The following HIP1 variants were observed in gnomAD, a reference collection of about 807,000 sequenced individuals.
HIP1 encodes the protein huntingtin interacting protein 1, also known as huntingtin-interacting protein 1.
A neutral mutation model predicts 147.6 loss-of-function variants in HIP1; 65 were observed. The ratio of observed to expected loss-of-function variants is 0.44; its 90% CI spans 0.36 to 0.54. HIP1 has a LOEUF of 0.54. HIP1 is among the 20% of genes least tolerant of loss of function. The pLI, the probability that HIP1 is intolerant of heterozygous loss-of-function variation, is 0.00. For missense variants in HIP1, 1,061 were observed against 1,299.6 expected (o/e 0.82, Z 2.82); for synonymous variants, 479 against 504.0 (o/e 0.95, Z 0.67).
intron 1 of HIP1, among the ~76,000 whole-genome samples, chr7:75,702,068 T>A (rs1800848873): frequency 6.6e-6 from 1 of 151,362 alleles, no homozygotes; most frequent in Non-Finnish European, 1.5e-5. Context: ...TAGCTGGGAC[T>A]ACAGGTGCCT....
At chr7:75,637,563 T>TTTTTTA (rs1584907476) in intron 1 of HIP1, among the ~76,000 whole-genome samples, 3 of 116,004 alleles carry the variant, frequency 2.6e-5, no homozygotes, top group African/African-American at 3.5e-5. Flanking sequence ...TTTTTTTTTT[T>TTTTTTA]GAGAGGGAGT....
At chr7:75,709,109 C>CTTTTTTTTTTTTTTTTTTTCTTT (rs55720152) in intron 1 of HIP1, among the ~76,000 whole-genome samples, 1 of 131,440 alleles carries the variant, frequency 7.6e-6, no homozygotes, top group African/African-American at 2.9e-5. Flanking sequence ...TTTTTCTTTT[C>CTTTTTTTTTTTTTTTTTTTCTTT]TTTTTTTTTT....
chr7:75,686,843 C>CTTTTTTT (rs55942242), intron 1 of HIP1, among the ~76,000 whole-genome samples: 4 of 80,132 alleles, frequency 5.0e-5, no homozygotes, highest in Admixed American at 1.7e-4. Context: ...TATTTTAGTT[C>CTTTTTTT]TTTTTTTTTT....
Position 75,591,639 on chromosome 7 carries a change from C to G in HIP1, c.384+417G>C, listed in dbSNP as rs587741287. Among the ~76,000 whole-genome samples, 6 of 149,648 alleles carry G rather than the reference C, an allele frequency of 4.0e-5. No individual in the cohort carries two copies. The South Asian group carries it at 1.3e-3, about 32-fold the overall frequency. ...GTGGCTCATGTGTGTGATCCCAGCA[C>G]TTTGGGAGGCTGAGGTGGGAGGATC... On this transcript the variant is annotated intron_variant, in intron 4 of 30. Coordinates refer to ENST00000336926, the MANE Select transcript of HIP1 (RefSeq NM_005338.7).
At chr7:75,628,475 CTTTT>C (rs71098044) in intron 1 of HIP1, among the ~76,000 whole-genome samples, 1,622 of 132,548 alleles carry the variant, frequency 0.012, 6 homozygotes, top group African/African-American at 0.042. Flanking sequence ...TCCTGTACCT[CTTTT>C]TTTTTTTTTT....
intron 1 of HIP1, among the ~76,000 whole-genome samples, chr7:75,715,933 T>C (rs1801305342): frequency 6.6e-6 from 1 of 151,912 alleles, no homozygotes; most frequent in African/African-American, 2.4e-5. Context: ...ATCAGGCGTG[T>C]CACATGGTGA....
chr7:75,616,013 G>A (rs1353431852), intron 1 of HIP1, among the ~76,000 whole-genome samples: 3 of 141,134 alleles, frequency 2.1e-5, no homozygotes, highest in Non-Finnish European at 4.5e-5. Context: ...TTGAACCTGG[G>A]ATGTGGAGGT....
At chr7:75,607,008 T>C (rs1446302919) in intron 1 of HIP1, among the ~76,000 whole-genome samples, 2 of 151,652 alleles carry the variant, frequency 1.3e-5, no homozygotes, top group Non-Finnish European at 2.9e-5. Flanking sequence ...GGCTGGAGGA[T>C]TGCTTGAGAA....
intron 1 of HIP1, among the ~76,000 whole-genome samples, chr7:75,675,822 A>T (rs1232139856): frequency 6.6e-6 from 1 of 152,130 alleles, no homozygotes; most frequent in African/African-American, 2.4e-5. Flanking sequence ...CTACAAAAAA[A>T]TTTTAAAAAT....
At position 75,537,674 on chromosome 7, in the gene HIP1, T is replaced by TATCA; in HGVS notation, c.*497_*498insTGAT. 4.2e-6 allele frequency: 1 copy of TATCA among 235,580 alleles called. No individual in the cohort carries two copies. The highest frequency in any genetic ancestry group is 8.3e-6 in the Non-Finnish European group (1 of 119,868). The allele number at this position is 235,580 out of a possible 1,614,324, so 14.6% of individuals were successfully genotyped here. A position where few individuals can be genotyped will look rare whatever the true frequency, so the allele number is the denominator to read the frequency against. On this transcript the variant is annotated 3_prime_UTR_variant, in exon 31 of 31. Transcript: ENST00000336926. ...TGCAGATCTCAGGGTAGTGTCCTGG[T>TATCA]TTGGAATCCATCAGCCCTCTGATGC...
At chr7:75,555,197 G>GC (rs1232000056) in intron 19 of HIP1, among the ~76,000 whole-genome samples, 1 of 99,058 alleles carries the variant, frequency 1.0e-5, no homozygotes, top group African/African-American at 3.8e-5. Flanking sequence ...CGGGGGGGCG[G>GC]GGGGGGGGAA....
intron 13 of HIP1, among the ~76,000 whole-genome samples, chr7:75,560,615 C>T (rs141190488): frequency 2.0e-5 from 3 of 152,116 alleles, no homozygotes; most frequent in South Asian, 2.1e-4. Flanking sequence ...TTCTCAGCCT[C>T]GTGGGGACCA....
chr7:75,546,414 G>A (rs916975517), intron 25 of HIP1, among the ~76,000 whole-genome samples: 2 of 152,132 alleles, frequency 1.3e-5, no homozygotes, highest in African/African-American at 4.8e-5. Flanking sequence ...CCCCTCCCCT[G>A]GACTTACGCC....
chr7:75,545,038 T>A lies in HIP1; in HGVS notation c.2660+50A>T, dbSNP rs1554490712. ...CTCCTTAGCTATTGTTTGGAGTGGA[T>A]CAATGGAAGAGGGGTCATGGGAGGA... On this transcript the variant is annotated intron_variant, in intron 26 of 30. Transcript: ENST00000336926. 2 of 1,086,268 alleles carry A rather than the reference T, an allele frequency of 1.8e-6. 1 individual carries two copies. Among genetic ancestry groups the A allele is most frequent in the Admixed American group, 4.3e-5 (2 of 46,002 alleles). 67.3% of individuals were successfully genotyped at this position (1,086,268 alleles called of 1,614,324 possible).
chr7:75,622,893 C>CTATA (rs1304371288), intron 1 of HIP1, among the ~76,000 whole-genome samples: 69 of 122,140 alleles, frequency 5.6e-4, no homozygotes, highest in African/African-American at 2.2e-3. Context: ...ATCTATCTAT[C>CTATA]TATATATTTT....
chr7:75,726,282 G>GC (rs2117391844), intron 1 of HIP1, among the ~76,000 whole-genome samples: 1 of 100,048 alleles, frequency 1.0e-5, no homozygotes, highest in South Asian at 3.2e-4. Context: ...CAGTGCCTGG[G>GC]CATTTTTTTT....
chr7:75,700,586 A>G (rs1431586091), intron 1 of HIP1, among the ~76,000 whole-genome samples: 1 of 152,098 alleles, frequency 6.6e-6, no homozygotes, highest in Non-Finnish European at 1.5e-5. Context: ...GTTAACTGAC[A>G]TGGAGCTTAC....
At chr7:75,605,652 C>T (rs886076183) in intron 1 of HIP1, among the ~76,000 whole-genome samples, 3 of 152,128 alleles carry the variant, frequency 2.0e-5, no homozygotes, top group Non-Finnish European at 4.4e-5. Context: ...CCTGTCTCAG[C>T]CTCCGAAGTA....
chr7:75,693,616 T>C lies in HIP1; in HGVS notation c.120+45185A>G, dbSNP rs548331602. On this transcript the variant is annotated intron_variant, in intron 1 of 30. Transcript: ENST00000336926. Reference sequence around the variant, plus strand: ...TCTGGCCAGCGCGGTTGCTCACATGTGTAATCCTGGCGCTTTGGGAGGCCG... The same window carrying C: ...TCTGGCCAGCGCGGTTGCTCACATGCGTAATCCTGGCGCTTTGGGAGGCCG... Among the ~76,000 whole-genome samples the C allele has an allele frequency of 2.9e-4, 44 of 152,212 alleles. 1 individual carries two copies. The South Asian group carries it at 5.8e-3, about 20-fold the overall frequency.
Sources: gnomAD v4.1 joint callset for allele counts (sites outside exome capture counted in the v4.1 genomes callset) on GRCh38, gnomAD v4.1.1 for gene constraint, MANE v1.5 for transcripts, NCBI Gene and HGNC (gene_info 2026-07-23, HGNC 2026-07-21) for gene names.